MYH15: variants seen among roughly 807,000 people sequenced by gnomAD.
MYH15 encodes myosin-15.
Under a neutral mutation model 240.5 loss-of-function variants are expected in MYH15, and 227 were observed. That is an observed-to-expected ratio of 0.94 (90% CI 0.85 to 1.05). MYH15 has a LOEUF of 1.05. MYH15 is among the 50% of genes least tolerant of loss of function. The pLI, the probability that MYH15 is intolerant of heterozygous loss-of-function variation, is 0.00. For missense variants in MYH15, 2,217 were observed against 2,247.5 expected, an observed-to-expected ratio of 0.99 and a Z score of 0.27; for synonymous variants, 785 against 796.7, an observed-to-expected ratio of 0.99 and a Z score of 0.25.
rs1341611125 is a variant in MYH15 at position 108,417,068 on chromosome 3, C to G, written c.3830-138G>C. 18 of 653,808 alleles carry G rather than the reference C, an allele frequency of 2.8e-5. No homozygotes were observed. In the East Asian group the frequency reaches 4.7e-4, roughly 17 times the overall value. The allele number at this position is 653,808 out of a possible 1,614,324, so 40.5% of individuals were successfully genotyped here. A position where few individuals can be genotyped will look rare whatever the true frequency, so the allele number is the denominator to read the frequency against. The stretch of plus-strand genomic sequence containing the variant: ...GATATTTAGGAAGGGTCTGAGAGTC[C>G]TATTATTCAGCAAAACCGTGGCAAT... On this transcript the variant is annotated intron_variant, in intron 28 of 40. Coordinates refer to ENST00000693548, the MANE Select transcript of MYH15 (RefSeq NM_014981.3).
At chr3:108,404,492 C>T (rs1479556772) in intron 33 of MYH15, among the ~76,000 whole-genome samples, 1 of 152,112 alleles carries the variant, frequency 6.6e-6, no homozygotes, top group Non-Finnish European at 1.5e-5. Flanking sequence ...TGATCTACAG[C>T]GTGTGAAGTG....
intron 38 of MYH15, among the ~76,000 whole-genome samples, chr3:108,387,932 G>T (rs916444352): frequency 4.6e-5 from 7 of 152,246 alleles, no homozygotes; most frequent in Non-Finnish European, 7.3e-5. Flanking sequence ...AAGGGAAGAA[G>T]ACTTTGACAT....
intron 1 of MYH15, among the ~76,000 whole-genome samples, chr3:108,508,130 G>A (rs1048943638): frequency 6.6e-6 from 1 of 152,064 alleles, no homozygotes; most frequent in Non-Finnish European, 1.5e-5. Context: ...CTGAATCAGT[G>A]CTCCTGCATT....
upstream of MYH15, among the ~76,000 whole-genome samples, chr3:108,513,724 A>G (rs1370882672): frequency 6.6e-6 from 1 of 152,172 alleles, no homozygotes; most frequent in African/African-American, 2.4e-5. Flanking sequence ...TGAGATGGCA[A>G]TTTCTAAACT....
upstream of MYH15, among the ~76,000 whole-genome samples, chr3:108,512,503 G>A (rs567592724): frequency 3.9e-5 from 6 of 152,188 alleles, no homozygotes; most frequent in South Asian, 2.1e-4. Flanking sequence ...AGTAGAGCTT[G>A]GGAAGTATAT....
intron 7 of MYH15, among the ~76,000 whole-genome samples, chr3:108,494,824 T>G (rs967309107): frequency 1.3e-5 from 2 of 152,164 alleles, no homozygotes; most frequent in African/African-American, 4.8e-5. Context: ...TTCTTCGCTT[T>G]CTTCCTTTTA....
intron 2 of MYH15, 125 bp downstream of exon 2, chr3:108,505,598 G>T (rs1453437428): frequency 4.5e-6 from 2 of 448,684 alleles, no homozygotes; most frequent in South Asian, 7.7e-5. Flanking sequence ...TAAAATGAAT[G>T]ACTCCGAAGT....
At chr3:108,381,580 G>A (rs2082343991) in intron 40 of MYH15, 21 bp from the exon 41 acceptor site, 1 of 1,613,098 alleles carries the variant, frequency 6.2e-7, no homozygotes, top group East Asian at 2.2e-5. Context: ...GAATGTCAGT[G>A]TGTTCTGTGA....
chr3:108,436,829 T>C (rs1182924277), intron 25 of MYH15, among the ~76,000 whole-genome samples: 1 of 152,188 alleles, frequency 6.6e-6, no homozygotes, highest in African/African-American at 2.4e-5. Context: ...CACTGTTTTC[T>C]TCTCTTATTT....
chr3:108,434,403 A>G (rs1416299053), intron 25 of MYH15, among the ~76,000 whole-genome samples: 1 of 151,754 alleles, frequency 6.6e-6, no homozygotes, highest in Non-Finnish European at 1.5e-5. Context: ...GCTGGTCTCG[A>G]ACTCCCAACC....
Position 108,399,263 on chromosome 3 carries a change from T to C in MYH15, c.4741A>G (p.Lys1581Glu), listed in dbSNP as rs1381354737. 4 of 1,606,656 alleles carry C rather than the reference T, an allele frequency of 2.5e-6. No homozygotes were observed. The highest frequency in any genetic ancestry group is 3.4e-6 in the Non-Finnish European group (4 of 1,175,270). ...AGGGAGTCAATGGTACACTGCTGCT[T>C]CCTCCTAATTTGAAATAACATTTGG... ...KDEEIENFRR[K>E]QQCTIDSLQS... Residue 1581 changes from lysine to glutamate, a missense_variant, in exon 34 of 41, where the codon AAG becomes GAG. Lys to Glu is a moderately conservative substitution (Grantham distance 56). Coordinates refer to ENST00000693548, the MANE Select transcript of MYH15 (RefSeq NM_014981.3).
intron 22 of MYH15, among the ~76,000 whole-genome samples, chr3:108,443,451 G>A (rs1299919935): frequency 5.3e-5 from 8 of 152,120 alleles, no homozygotes; most frequent in African/African-American, 1.4e-4. Context: ...GTTGTTTCTT[G>A]TTTAAAAAGC....
At chr3:108,397,696 G>A (rs1200533055) in intron 35 of MYH15, among the ~76,000 whole-genome samples, 5 of 152,108 alleles carry the variant, frequency 3.3e-5, no homozygotes, top group African/African-American at 2.4e-5. Context: ...TTCTTGCTTC[G>A]TGTCACTTAC....
At chr3:108,422,873 T>C (rs1277323442) in intron 27 of MYH15, among the ~76,000 whole-genome samples, 1 of 152,216 alleles carries the variant, frequency 6.6e-6, no homozygotes, top group African/African-American at 2.4e-5. Context: ...TTTAGTCCTC[T>C]GGAAAACTTC....
chr3:108,535,397 G>C, the MYH15 span, among the ~76,000 whole-genome samples: 1 of 152,110 alleles, frequency 6.6e-6, no homozygotes, highest in Non-Finnish European at 1.5e-5. Flanking sequence ...TCCTCATGTG[G>C]TGGGGGGGCA....
At chr3:108,480,431 T>G (rs963213189) in intron 11 of MYH15, among the ~76,000 whole-genome samples, 2 of 152,124 alleles carry the variant, frequency 1.3e-5, no homozygotes, top group African/African-American at 4.8e-5. Flanking sequence ...GCAGAAGACA[T>G]CTAATGCCGC....
At chr3:108,549,343 A>C in the MYH15 span, among the ~76,000 whole-genome samples, 2 of 151,964 alleles carry the variant, frequency 1.3e-5, no homozygotes, top group African/African-American at 4.8e-5. Flanking sequence ...ACTCAGAAAA[A>C]CAACAGAAAC....
chr3:108,524,062 G>T (rs1311258604), intron 1 of MYH15, among the ~76,000 whole-genome samples: 2 of 151,864 alleles, frequency 1.3e-5, no homozygotes, highest in Non-Finnish European at 1.5e-5. Context: ...TTGAGAAAGT[G>T]TCCTAGGAGT....
At position 108,468,334 on chromosome 3, in the gene MYH15, G is replaced by A. The variant is rs372906578; in HGVS notation, c.1554+1708C>T. The stretch of plus-strand genomic sequence containing the variant: ...TAATGAAAATCCTTTTTTCTTATAC[G>A]TATACAGAGATGCATGTTATACAAC... On this transcript the variant is annotated intron_variant, in intron 14 of 40. Transcript: ENST00000693548. Among the ~76,000 whole-genome samples the A allele has an allele frequency of 4.7e-4, 72 of 152,086 alleles. No homozygotes were observed. The South Asian group carries it at 0.014, about 30-fold the overall frequency.
Sources: gnomAD v4.1 joint callset for allele counts (sites outside exome capture counted in the v4.1 genomes callset) on GRCh38, gnomAD v4.1.1 for gene constraint, MANE v1.5 for transcripts, NCBI Gene and HGNC (gene_info 2026-07-23, HGNC 2026-07-21) for gene names.